The following LMCD1 variants were observed in gnomAD, a reference collection of about 807,000 sequenced individuals.
LMCD1 encodes the protein LIM and cysteine-rich domains protein 1.
In LMCD1, 32 loss-of-function variants were observed where a neutral mutation model predicts 42.7. The ratio of observed to expected loss-of-function variants is 0.75; its 90% confidence interval spans 0.57 to 1.01. LMCD1 has a LOEUF of 1.01. Among genes scored for constraint, LMCD1 ranks in the 50% least tolerant of loss-of-function variants. The probability of loss-of-function intolerance (pLI) is 0.00; values close to 1 mark genes in which losing one functional copy is unlikely to be tolerated. For missense variants in LMCD1, 458 were observed against 483.1 expected (o/e 0.95, Z 0.49); for synonymous variants, 178 against 184.9 (o/e 0.96, Z 0.30).
intron 4 of LMCD1, among the ~76,000 whole-genome samples, chr3:8,564,301 G>A (rs533511800): frequency 6.6e-6 from 1 of 152,066 alleles, no homozygotes; most frequent in Non-Finnish European, 1.5e-5. Context: ...GTCTCACTCT[G>A]TCACCTAGGC....
chr3:8,525,411 T>G (rs567791548), intron 1 of LMCD1, among the ~76,000 whole-genome samples: 1 of 152,320 alleles, frequency 6.6e-6, no homozygotes, highest in South Asian at 2.1e-4. Context: ...TGTGTGTGTG[T>G]GTTTGTGTGT....
intron 4 of LMCD1, among the ~76,000 whole-genome samples, chr3:8,557,652 C>G (rs1457245421): frequency 6.6e-6 from 1 of 152,224 alleles, no homozygotes; most frequent in Non-Finnish European, 1.5e-5. Flanking sequence ...CTGCTGTTGC[C>G]TAAAACACTT....
At chr3:8,561,686 G>A (rs941529800) in intron 4 of LMCD1, among the ~76,000 whole-genome samples, 3 of 152,144 alleles carry the variant, frequency 2.0e-5, no homozygotes, top group Non-Finnish European at 4.4e-5. Context: ...GAATCTCCCT[G>A]ACCTTCAGTT....
chr3:8,529,156 G>A (rs1009694320), intron 1 of LMCD1, among the ~76,000 whole-genome samples: 5 of 152,126 alleles, frequency 3.3e-5, no homozygotes, highest in African/African-American at 9.7e-5. Flanking sequence ...TTGGGACTGT[G>A]GCTGACTGAT....
intron 1 of LMCD1, among the ~76,000 whole-genome samples, chr3:8,518,802 A>C (rs1433726653): frequency 6.6e-6 from 1 of 152,180 alleles, no homozygotes; most frequent in Non-Finnish European, 1.5e-5. Context: ...AAAGTTATTG[A>C]GGAAGGCAGA....
At position 8,515,324 on chromosome 3, in the gene LMCD1, G is replaced by A. The variant is rs532874424; in HGVS notation, c.42+13344G>A. On this transcript the variant is annotated intron_variant, in intron 1 of 5. Coordinates refer to ENST00000157600, the MANE Select transcript of LMCD1 (RefSeq NM_014583.4). ...GAACATACTTTTCTTCCTTGTGGGCGTGCTGAGAGGGTTTCCTCCTCCACG... is the reference window on the plus strand; with the variant it reads ...GAACATACTTTTCTTCCTTGTGGGCATGCTGAGAGGGTTTCCTCCTCCACG... 3.9e-5 allele frequency among the ~76,000 whole-genome samples: 6 copies of A among 152,252 alleles called. No homozygotes were observed. The East Asian group carries it at 1.2e-3, about 29-fold the overall frequency.
rs144293724 is a variant in LMCD1, at chr3:8,528,760, C to T, written c.43-3977C>T. On this transcript the variant is annotated intron_variant, in intron 1 of 5. Transcript: ENST00000157600. ...CTCAACCCTACATTGTTCTTGGTGA[C>T]ATTTTTTTTCCCTCTAAGACTTCCC... Among the ~76,000 whole-genome samples the T allele has an allele frequency of 4.0e-3, 612 of 152,212 alleles. 4 individuals are homozygous for T. Among genetic ancestry groups the T allele is most frequent in the African/African-American group, 0.013 (537 of 41,520 alleles).
At chr3:8,537,969 A>T (rs1175530427) in intron 3 of LMCD1, among the ~76,000 whole-genome samples, 1 of 152,192 alleles carries the variant, frequency 6.6e-6, no homozygotes, top group Non-Finnish European at 1.5e-5. Context: ...TGATCAGAGA[A>T]ACCCTGAGGA....
At chr3:8,510,983 C>A (rs1354391341) in intron 1 of LMCD1, among the ~76,000 whole-genome samples, 1 of 152,212 alleles carries the variant, frequency 6.6e-6, no homozygotes, top group African/African-American at 2.4e-5. Flanking sequence ...CATATATGCA[C>A]ACACATACAG....
intron 1 of LMCD1, among the ~76,000 whole-genome samples, chr3:8,522,273 G>A (rs1008410390): frequency 3.3e-5 from 5 of 152,150 alleles, no homozygotes; most frequent in Non-Finnish European, 7.4e-5. Flanking sequence ...GGAAGGCAGA[G>A]CTACACAAGT....
intron 4 of LMCD1, among the ~76,000 whole-genome samples, chr3:8,563,677 C>G (rs1038815494): frequency 6.6e-6 from 1 of 152,194 alleles, no homozygotes; most frequent in South Asian, 2.1e-4. Context: ...AGATGGAGCA[C>G]TCTTTAGACA....
At chr3:8,520,361 T>C (rs1308613052) in intron 1 of LMCD1, among the ~76,000 whole-genome samples, 3 of 152,158 alleles carry the variant, frequency 2.0e-5, no homozygotes, top group African/African-American at 7.2e-5. Flanking sequence ...CTTACAGATA[T>C]ATCCTTGAGA....
At chr3:8,545,232 T>A (rs559753200) in intron 3 of LMCD1, among the ~76,000 whole-genome samples, 22 of 152,362 alleles carry the variant, frequency 1.4e-4, no homozygotes, top group East Asian at 3.9e-4. Context: ...ACTTTTTTTT[T>A]AATTAGGAAT....
intron 3 of LMCD1, among the ~76,000 whole-genome samples, chr3:8,538,066 G>A (rs1471944918): frequency 6.6e-6 from 1 of 152,174 alleles, no homozygotes; most frequent in East Asian, 1.9e-4. Context: ...GGGACCTGCA[G>A]AAGGTCTCCA....
At position 8,536,582 on chromosome 3, in the gene LMCD1, A is replaced by G. The variant is rs150264447; in HGVS notation, c.132-603A>G. On this transcript the variant is annotated intron_variant, in intron 2 of 5. Transcript: ENST00000157600. ...GCATTCTAACGGCAGTATTTATGCT[A>G]AAGAGTTTAAAAGTTGCTGAAGCTC... is the stretch of plus-strand genomic sequence containing the variant. Among the ~76,000 whole-genome samples, 169 of 152,354 alleles carry G rather than the reference A, an allele frequency of 1.1e-3. 5 individuals are homozygous for G. In the East Asian group the frequency reaches 0.03, roughly 27 times the overall value.
chr3:8,505,949 C>T (rs1693871703), intron 1 of LMCD1, among the ~76,000 whole-genome samples: 1 of 152,212 alleles, frequency 6.6e-6, no homozygotes, highest in Non-Finnish European at 1.5e-5. Flanking sequence ...CACTTAAAGA[C>T]CTTAATAGCC....
In LMCD1 at chr3:8,553,869, G is replaced by A. The variant is rs1694883630; in HGVS notation, c.723+4966G>A. 2.0e-5 allele frequency among the ~76,000 whole-genome samples: 3 copies of A among 152,140 alleles called. No homozygotes were observed. In the South Asian group the frequency reaches 6.2e-4, roughly 32 times the overall value. ...TGCACCCACTGTCACCCCTGAAGAA[G>A]CGAGCCCTTTTCCATCAGTGAGGCC... On this transcript the variant is annotated intron_variant, in intron 4 of 5. Coordinates refer to ENST00000157600, the MANE Select transcript of LMCD1 (RefSeq NM_014583.4).
chr3:8,567,465 G>C lies in LMCD1; in HGVS notation c.965G>C (p.Arg322Pro). 3 of 1,613,938 alleles carry C rather than the reference G, an allele frequency of 1.9e-6. No individual in the cohort carries two copies. Among genetic ancestry groups the C allele is most frequent in the Non-Finnish European group, 2.5e-6 (3 of 1,179,988 alleles). Residue 322 changes from arginine (R) to proline (P), a missense_variant, in exon 6 of 6, where the codon CGT becomes CCT. Transcript: ENST00000157600. ...DEIIFAEDYQ[R>P]VEDLAWHRKH... ...ATAATATTCGCTGAGGACTACCAGC[G>C]TGTGGAAGATCTGGCCTGGCACCGA...
rs534333603 is a variant in LMCD1 at position 8,571,751 on chromosome 3, C to T, written c.*4153C>T. On this transcript the variant is annotated 3_prime_UTR_variant, in exon 6 of 6. Coordinates refer to ENST00000157600, the MANE Select transcript of LMCD1 (RefSeq NM_014583.4). Reference sequence around the variant, plus strand: ...TGTTTTTCCTTAATGAAAGGAGATACTGTGCAGTAAATAGCCCTGCTGTTG... The same window carrying T: ...TGTTTTTCCTTAATGAAAGGAGATATTGTGCAGTAAATAGCCCTGCTGTTG... 7 of 152,352 alleles carry T rather than the reference C, an allele frequency of 4.6e-5. No individual in the cohort carries two copies. Among genetic ancestry groups the T allele is most frequent in the East Asian group, 1.9e-4 (1 of 5,188 alleles). The allele number at this position is 152,352 out of a possible 1,614,324, so 9.4% of individuals were successfully genotyped here.
Sources: gnomAD v4.1 joint callset for allele counts (sites outside exome capture counted in the v4.1 genomes callset) on GRCh38, gnomAD v4.1.1 for gene constraint, MANE v1.5 for transcripts, NCBI Gene and HGNC (gene_info 2026-07-23, HGNC 2026-07-21) for gene names.